TMEM132D: variants seen among roughly 807,000 people sequenced by gnomAD.
The protein encoded by TMEM132D is transmembrane protein 132D.
In TMEM132D, 21 loss-of-function variants were observed where a neutral mutation model predicts 62.3. The ratio of observed to expected loss-of-function variants is 0.34; its 90% CI spans 0.24 to 0.49. TMEM132D has a LOEUF of 0.49. Ranked by LOEUF, TMEM132D falls within the 20% of genes least tolerant of loss-of-function variation. The pLI is 0.99. For missense variants in TMEM132D, 1,346 were observed against 1,402.8 expected (o/e 0.96, Z 0.65); for synonymous variants, 621 against 575.6 (o/e 1.08, Z -1.13).
At chr12:129,260,971 A>T (rs751902261) in intron 4 of TMEM132D, among the ~76,000 whole-genome samples, 4 of 152,174 alleles carry the variant, frequency 2.6e-5, no homozygotes, top group Non-Finnish European at 5.9e-5. Flanking sequence ...TGTTATAAAC[A>T]TGCATATGCA....
intron 3 of TMEM132D, among the ~76,000 whole-genome samples, chr12:129,511,308 T>A (rs1875490646): frequency 6.6e-6 from 1 of 152,220 alleles, no homozygotes; most frequent in Non-Finnish European, 1.5e-5. Context: ...GTGTCTGGCT[T>A]CTTTCAGTCA....
chr12:129,519,471 C>A (rs1385096465), intron 3 of TMEM132D, among the ~76,000 whole-genome samples: 1 of 152,152 alleles, frequency 6.6e-6, no homozygotes, highest in Non-Finnish European at 1.5e-5. Context: ...GTTTTGAAAG[C>A]CGCATTTCAA....
chr12:129,444,820 T>C (rs1377212797), intron 3 of TMEM132D, among the ~76,000 whole-genome samples: 4 of 151,994 alleles, frequency 2.6e-5, no homozygotes, highest in African/African-American at 9.7e-5. Flanking sequence ...TATCAAAAAG[T>C]CAAAAATTAA....
At chr12:129,691,826 A>G (rs896565138) in intron 2 of TMEM132D, among the ~76,000 whole-genome samples, 1 of 152,114 alleles carries the variant, frequency 6.6e-6, no homozygotes, top group Non-Finnish European at 1.5e-5. Flanking sequence ...ACAGCAGCTA[A>G]CTCTATACCC....
At chr12:129,394,754 T>C (rs1871376553) in intron 3 of TMEM132D, among the ~76,000 whole-genome samples, 1 of 152,212 alleles carries the variant, frequency 6.6e-6, no homozygotes, top group Non-Finnish European at 1.5e-5. Flanking sequence ...GACCACATAC[T>C]GTATGATTTC....
intron 1 of TMEM132D, among the ~76,000 whole-genome samples, chr12:129,795,564 T>C (rs2137301923): frequency 6.6e-6 from 1 of 152,338 alleles, no homozygotes; most frequent in South Asian, 2.1e-4. Context: ...GCCTCATGCA[T>C]TCTGTTGTCA....
chr12:129,155,245 C>A (rs1877202549), intron 5 of TMEM132D, among the ~76,000 whole-genome samples: 1 of 152,242 alleles, frequency 6.6e-6, no homozygotes, highest in African/African-American at 2.4e-5. Context: ...TTGCACCTGA[C>A]TTTCCAAGCT....
At chr12:129,357,187 C>T (rs1870091414) in intron 3 of TMEM132D, among the ~76,000 whole-genome samples, 1 of 146,878 alleles carries the variant, frequency 6.8e-6, no homozygotes, top group Non-Finnish European at 1.5e-5. Context: ...GTGGAGCTTG[C>T]AGTGAGCTGA....
intron 1 of TMEM132D, among the ~76,000 whole-genome samples, chr12:129,765,161 G>A (rs775567979): frequency 6.6e-6 from 1 of 152,164 alleles, no homozygotes; most frequent in Non-Finnish European, 1.5e-5. Flanking sequence ...GAAAAGTGTG[G>A]ATTGTCTAGA....
chr12:129,425,226 T>C (rs1222944665), intron 3 of TMEM132D, among the ~76,000 whole-genome samples: 1 of 152,168 alleles, frequency 6.6e-6, no homozygotes, highest in Non-Finnish European at 1.5e-5. Context: ...TGCGCAGGTT[T>C]TTAGGTAGAT....
chr12:129,530,310 A>T (rs4759963), intron 3 of TMEM132D, among the ~76,000 whole-genome samples: 48 of 152,042 alleles, frequency 3.2e-4, no homozygotes, highest in East Asian at 5.8e-4. Context: ...ATCGGAATTC[A>T]TCCTTTCATT....
intron 3 of TMEM132D, among the ~76,000 whole-genome samples, chr12:129,348,648 C>A (rs1227106220): frequency 6.6e-6 from 1 of 152,132 alleles, no homozygotes; most frequent in Non-Finnish European, 1.5e-5. Flanking sequence ...GGGCAGCAAA[C>A]CATAAGGCAC....
intron 2 of TMEM132D, among the ~76,000 whole-genome samples, chr12:129,680,915 A>T (rs950109339): frequency 6.6e-6 from 1 of 152,212 alleles, no homozygotes; most frequent in South Asian, 2.1e-4. Context: ...CCACAGGTGG[A>T]GGAACAATTT....
chr12:129,794,900 AT>A (rs1490997586), intron 1 of TMEM132D, among the ~76,000 whole-genome samples: 27 of 152,172 alleles, frequency 1.8e-4, no homozygotes, highest in African/African-American at 6.3e-4. Context: ...ACATGCACAT[AT>A]ATGCATTTCC....
At chr12:129,738,563 T>C (rs1159802692) in intron 1 of TMEM132D, among the ~76,000 whole-genome samples, 4 of 152,184 alleles carry the variant, frequency 2.6e-5, no homozygotes, top group Admixed American at 6.5e-5. Flanking sequence ...AAAACATTCA[T>C]GTGGCAAGAC....
At chr12:129,075,938 T>C (rs938752216) in intron 8 of TMEM132D, among the ~76,000 whole-genome samples, 1 of 140,666 alleles carries the variant, frequency 7.1e-6, no homozygotes, top group African/African-American at 2.6e-5. Flanking sequence ...TCCCTCCCTC[T>C]CAGAGAACCT....
At chr12:129,186,522 T>A (rs1026719093) in intron 5 of TMEM132D, among the ~76,000 whole-genome samples, 17 of 152,208 alleles carry the variant, frequency 1.1e-4, no homozygotes, top group African/African-American at 3.9e-4. Context: ...TTCCTGGCTT[T>A]TCCTTCCTTT....
chr12:129,132,255 A>G lies in TMEM132D; in HGVS notation c.1444-47553T>C, dbSNP rs199567654. 2.0e-5 allele frequency among the ~76,000 whole-genome samples: 3 copies of G among 152,194 alleles called. No individual in the cohort carries two copies. In the East Asian group the frequency reaches 5.8e-4, roughly 29 times the overall value. On this transcript the variant is annotated intron_variant, in intron 5 of 8. Transcript: ENST00000422113. ...CAACCTACCTATCTATCTGTCTATCATCACAAATTCCTAAATACATAAGGA... is the reference window on the plus strand; with the variant it reads ...CAACCTACCTATCTATCTGTCTATCGTCACAAATTCCTAAATACATAAGGA...
chr12:129,635,981 A>G (rs1244928436), intron 2 of TMEM132D, among the ~76,000 whole-genome samples: 3 of 152,248 alleles, frequency 2.0e-5, no homozygotes, highest in Admixed American at 1.3e-4. Flanking sequence ...AGTGGATTCA[A>G]ATATCTTCTG....
Sources: allele counts gnomAD v4.1 joint callset (sites outside exome capture counted in the v4.1 genomes callset), GRCh38; gene constraint gnomAD v4.1.1; transcripts MANE v1.5; gene names NCBI Gene and HGNC (gene_info 2026-07-23, HGNC 2026-07-21).